NOMO1: variants seen among roughly 807,000 people sequenced by gnomAD.
NOMO1 encodes NODAL modulator 1.
A neutral mutation model predicts 133.8 loss-of-function variants in NOMO1; 40 were observed. That is an observed-to-expected ratio of 0.30 (90% CI 0.23 to 0.39). The LOEUF (loss-of-function observed/expected upper bound fraction) is 0.39. Ranked by LOEUF, NOMO1 falls within the 10% of genes least tolerant of loss-of-function variation. NOMO1 has a pLI of 1.00. For synonymous variants in NOMO1, 236 were observed against 570.5 expected (o/e 0.41, Z 8.36); for missense variants, 462 against 1,419.9 (o/e 0.33, Z 10.84).
Position 14,886,861 on chromosome 16 carries a change from A to AG in NOMO1, c.3324+1dup. 6.2e-7 allele frequency: 1 copy of AG among 1,611,822 alleles called. No individual in the cohort carries two copies. Among genetic ancestry groups the AG allele is most frequent in the South Asian group, 1.1e-5 (1 of 90,956 alleles). ...TTCCCCCCACTGCTCAGAGACGGCG[A>AG]GGTAATGCCTGTGGCCGGATTCTAC... is the stretch of plus-strand genomic sequence containing the variant. On this transcript the variant is annotated frameshift_variant and splice_region_variant, in exon 28 of 31. Transcript: ENST00000287667. LOFTEE classifies it high-confidence loss of function.
intron 8 of NOMO1, 152 bp downstream of exon 8, chr16:14,853,756 C>T: frequency 1.2e-6 from 1 of 856,990 alleles, no homozygotes; most frequent in South Asian, 1.5e-5. Flanking sequence ...GAGACACTCA[C>T]CCCTTCGTAA....
chr16:14,876,098 G>C (rs1964156136), intron 20 of NOMO1, among the ~76,000 whole-genome samples: 1 of 59,304 alleles, frequency 1.7e-5, no homozygotes, highest in African/African-American at 3.7e-5. Flanking sequence ...TGAGAACCTA[G>C]GAAGACTAGT....
chr16:14,883,210 G>C (rs915946230), intron 26 of NOMO1, among the ~76,000 whole-genome samples: 1 of 152,030 alleles, frequency 6.6e-6, no homozygotes, highest in African/African-American at 2.4e-5. Context: ...TCATTGGGAA[G>C]ACTAGAGGGC....
chr16:14,885,160 C>A (rs1239471728), intron 27 of NOMO1, among the ~76,000 whole-genome samples: 4 of 152,106 alleles, frequency 2.6e-5, no homozygotes, highest in Admixed American at 2.0e-4. Context: ...AAGATCCGAT[C>A]ATCTCCCACC....
chr16:14,838,261 C>T (rs1427611520), intron 1 of NOMO1, 146 bp from the exon 2 acceptor site: 39 of 791,610 alleles, frequency 4.9e-5, no homozygotes, highest in Admixed American at 8.2e-5. Flanking sequence ...TGATTTCCCT[C>T]TGTCCCCAGT....
intron 16 of NOMO1, among the ~76,000 whole-genome samples, chr16:14,871,334 G>A (rs1964077723): frequency 6.6e-6 from 1 of 151,570 alleles, no homozygotes. Context: ...TCGTGCATGG[G>A]TCCGTTCACC....
At chr16:14,879,222 A>G (rs1470363657) in intron 23 of NOMO1, among the ~76,000 whole-genome samples, 3 of 151,704 alleles carry the variant, frequency 2.0e-5, no homozygotes, top group Non-Finnish European at 2.9e-5. Context: ...AGAGAGCAGC[A>G]GTTTTTCTTT....
chr16:14,849,866 T>A (rs1267401502), intron 6 of NOMO1, among the ~76,000 whole-genome samples: 1 of 147,716 alleles, frequency 6.8e-6, no homozygotes, highest in Non-Finnish European at 1.5e-5. Flanking sequence ...GGATTACAGG[T>A]ATAAACCAGT....
chr16:14,889,069 A>G, intron 28 of NOMO1, 27 bp from the exon 29 acceptor site: 1 of 1,611,820 alleles, frequency 6.2e-7, no homozygotes. Flanking sequence ...GTCCTTGTAA[A>G]AATAACTTCT....
At chr16:14,856,552 C>T (rs1324801631) in intron 9 of NOMO1, among the ~76,000 whole-genome samples, 1 of 151,878 alleles carries the variant, frequency 6.6e-6, no homozygotes, top group African/African-American at 2.4e-5. Flanking sequence ...GCTGGGATTA[C>T]AGGCGCCTGC....
At chr16:14,889,389 G>A (rs922446369) in intron 29 of NOMO1, among the ~76,000 whole-genome samples, 174 bp downstream of exon 29, 2 of 151,966 alleles carry the variant, frequency 1.3e-5, no homozygotes, top group Admixed American at 6.6e-5. Context: ...AAAATTAACC[G>A]GGCGTGGTGG....
chr16:14,864,838 G>T (rs1292406520), intron 13 of NOMO1, 112 bp downstream of exon 13: 1 of 1,525,066 alleles, frequency 6.6e-7, no homozygotes. Context: ...GATCACCTGC[G>T]TGCGAGGGAG....
At chr16:14,860,867 T>G (rs1963913958) in intron 11 of NOMO1, among the ~76,000 whole-genome samples, 5 of 151,868 alleles carry the variant, frequency 3.3e-5, no homozygotes, top group Admixed American at 6.6e-5. Context: ...TTTTTATTTT[T>G]TTTTTGAGAC....
At chr16:14,856,160 G>A (rs1459933470) in intron 9 of NOMO1, among the ~76,000 whole-genome samples, 1 of 151,988 alleles carries the variant, frequency 6.6e-6, no homozygotes, top group Admixed American at 6.5e-5. Context: ...CTGTCTCCAT[G>A]AGGTAACATG....
At chr16:14,854,397 C>T (rs1177896237) in intron 9 of NOMO1, among the ~76,000 whole-genome samples, 2 of 113,922 alleles carry the variant, frequency 1.8e-5, no homozygotes, top group East Asian at 2.5e-4. Flanking sequence ...TGCAGTGGTA[C>T]GATCTCATCT....
At position 14,840,578 on chromosome 16, in the gene NOMO1, C is replaced by T. The variant is rs553803849; in HGVS notation, c.256-784C>T. ...CTCCAGCCTGGGCAACAGAGCGAGG[C>T]TCCATCTCAAAAAAAAAAAACTAAA... On this transcript the variant is annotated intron_variant, in intron 2 of 30. Transcript: ENST00000287667. 5.4e-5 allele frequency among the ~76,000 whole-genome samples: 8 copies of T among 147,260 alleles called. No individual in the cohort carries two copies. The East Asian group carries it at 1.6e-3, about 29-fold the overall frequency.
intron 4 of NOMO1, among the ~76,000 whole-genome samples, chr16:14,845,850 C>CA (rs1963672173): frequency 6.6e-6 from 1 of 151,042 alleles, no homozygotes; most frequent in South Asian, 2.1e-4. Flanking sequence ...TTTTTTGAGA[C>CA]AGAGTCTCGC....
chr16:14,833,850 C>T lies in NOMO1; in HGVS notation c.-2C>T. ...GTGGGTCTAGCTGGGGGAGGTCGGG[C>T]CATGCTGGTGGGCCAGGGCGCGGGG... On this transcript the variant is annotated 5_prime_UTR_variant, in exon 1 of 31. Coordinates refer to ENST00000287667, the MANE Select transcript of NOMO1 (RefSeq NM_014287.4). The T allele has an allele frequency of 7.0e-6, 5 of 712,488 alleles. No homozygotes were observed. Among genetic ancestry groups the T allele is most frequent in the Non-Finnish European group, 9.6e-6 (5 of 520,650 alleles). The allele number at this position is 712,488 out of a possible 1,614,324, so 44.1% of individuals were successfully genotyped here.
chr16:14,866,376 A>G (rs1963995070), intron 14 of NOMO1, among the ~76,000 whole-genome samples, 179 bp from the exon 15 acceptor site: 2 of 151,210 alleles, frequency 1.3e-5, no homozygotes, highest in Non-Finnish European at 2.9e-5. Context: ...TTTCTTTAGC[A>G]GTAATTTATT....
Sources: allele counts gnomAD v4.1 joint callset (sites outside exome capture counted in the v4.1 genomes callset), GRCh38; gene constraint gnomAD v4.1.1; transcripts MANE v1.5; gene names NCBI Gene and HGNC (gene_info 2026-07-23, HGNC 2026-07-21).